CDK14: variants seen among roughly 807,000 people sequenced by gnomAD.
The protein encoded by CDK14 is cyclin-dependent kinase 14.
CDK14 carries 34 observed loss-of-function variants against 60.7 expected under a neutral mutation model. That is an observed-to-expected ratio of 0.56 (90% confidence interval 0.43 to 0.75). The LOEUF is 0.75. Ranked by LOEUF, CDK14 falls within the 30% of genes least tolerant of loss-of-function variation. The probability of loss-of-function intolerance (pLI) is 0.00; values close to 1 mark genes in which losing one functional copy is unlikely to be tolerated. For missense variants in CDK14, 482 were observed against 564.1 expected (o/e 0.85, Z 1.47); for synonymous variants, 197 against 203.7 (o/e 0.97, Z 0.28).
chr7:90,836,952 A>G (rs1790122157), intron 5 of CDK14, among the ~76,000 whole-genome samples: 1 of 152,258 alleles, frequency 6.6e-6, no homozygotes, highest in Non-Finnish European at 1.5e-5. Flanking sequence ...CTGAGCAGCA[A>G]GTAGAATGTT....
At chr7:90,906,063 A>G (rs1792687352) in intron 7 of CDK14, among the ~76,000 whole-genome samples, 2 of 152,160 alleles carry the variant, frequency 1.3e-5, no homozygotes, top group Admixed American at 6.6e-5. Context: ...AATTCGGACT[A>G]TGACATAGTG....
chr7:90,640,120 C>T (rs1321532893), intron 2 of CDK14, among the ~76,000 whole-genome samples: 3 of 152,104 alleles, frequency 2.0e-5, no homozygotes, highest in Admixed American at 1.3e-4. Flanking sequence ...CGGTGCGCTG[C>T]ACCCACTGTC....
At chr7:90,895,434 T>C (rs537176202) in intron 6 of CDK14, among the ~76,000 whole-genome samples, 4 of 16,940 alleles carry the variant, frequency 2.4e-4, no homozygotes, top group Non-Finnish European at 4.0e-4. Context: ...TCCTCTCCTC[T>C]CCTCTCCTCC....
intron 4 of CDK14, among the ~76,000 whole-genome samples, chr7:90,749,892 G>A (rs1350312040): frequency 6.6e-6 from 1 of 152,020 alleles, no homozygotes; most frequent in Non-Finnish European, 1.5e-5. Context: ...GAACACTATG[G>A]GCTCCACAGA....
At chr7:91,005,270 G>A (rs1795948355) in intron 10 of CDK14, among the ~76,000 whole-genome samples, 1 of 152,254 alleles carries the variant, frequency 6.6e-6, no homozygotes, top group Non-Finnish European at 1.5e-5. Flanking sequence ...GCTGGAAGGT[G>A]AACACCACTT....
intron 14 of CDK14, among the ~76,000 whole-genome samples, chr7:91,121,293 T>C (rs149978934): frequency 1.3e-5 from 2 of 152,212 alleles, no homozygotes; most frequent in East Asian, 1.9e-4. Context: ...CCTAGAGAGA[T>C]TGGGAAGGAG....
intron 11 of CDK14, among the ~76,000 whole-genome samples, chr7:91,073,995 T>G (rs1798227373): frequency 6.6e-6 from 1 of 152,174 alleles, no homozygotes; most frequent in Admixed American, 6.5e-5. Flanking sequence ...GCACCTAGAT[T>G]CATAAAACAA....
chr7:90,725,986 A>C (rs1202568236), intron 2 of CDK14, among the ~76,000 whole-genome samples: 2 of 151,928 alleles, frequency 1.3e-5, no homozygotes, highest in African/African-American at 4.8e-5. Flanking sequence ...AATAAAGGAA[A>C]CCCCCACCAT....
At chr7:91,170,769 C>CTTTT (rs1327491575) in intron 14 of CDK14, among the ~76,000 whole-genome samples, 4 of 123,982 alleles carry the variant, frequency 3.2e-5, no homozygotes, top group South Asian at 2.7e-4. Context: ...TTTTTTTTTT[C>CTTTT]TTTTTTTTTT....
intron 14 of CDK14, among the ~76,000 whole-genome samples, chr7:91,170,353 T>C (rs781051958): frequency 7.2e-5 from 11 of 152,246 alleles, no homozygotes; most frequent in Non-Finnish European, 1.3e-4. Context: ...GCCTTTTAAC[T>C]ATTTTATTGT....
chr7:90,806,702 G>T (rs1327453026), intron 5 of CDK14, among the ~76,000 whole-genome samples: 2 of 152,226 alleles, frequency 1.3e-5, no homozygotes, highest in East Asian at 3.9e-4. Flanking sequence ...AGAGGTCAGG[G>T]AATTCCCTTT....
intron 2 of CDK14, among the ~76,000 whole-genome samples, chr7:90,616,174 A>G (rs776571913): frequency 3.9e-5 from 6 of 152,212 alleles, no homozygotes; most frequent in African/African-American, 7.2e-5. Flanking sequence ...AGCCAAAAGA[A>G]AAACTAAAAC....
chr7:91,031,403 T>C (rs1042629187), intron 10 of CDK14, among the ~76,000 whole-genome samples: 3 of 152,042 alleles, frequency 2.0e-5, no homozygotes, highest in Non-Finnish European at 2.9e-5. Context: ...CTTAGCAATG[T>C]AATGTTAAGT....
At chr7:90,731,057 G>A (rs912967547) in intron 3 of CDK14, among the ~76,000 whole-genome samples, 6 of 151,954 alleles carry the variant, frequency 3.9e-5, no homozygotes, top group African/African-American at 1.5e-4. Context: ...ATCCAGTTTT[G>A]GCTTTTTACA....
chr7:90,649,503 C>T (rs900767049), intron 2 of CDK14, among the ~76,000 whole-genome samples: 4 of 147,890 alleles, frequency 2.7e-5, no homozygotes, highest in Non-Finnish European at 4.4e-5. Flanking sequence ...GGTACGTGTG[C>T]ACAACATGCA....
chr7:90,792,430 A>G (rs1191013083), intron 5 of CDK14, among the ~76,000 whole-genome samples: 2 of 152,194 alleles, frequency 1.3e-5, no homozygotes, highest in Non-Finnish European at 2.9e-5. Context: ...CAGGAATACA[A>G]GGCTAGTTTA....
intron 10 of CDK14, among the ~76,000 whole-genome samples, chr7:91,039,124 C>T (rs1470896522): frequency 6.6e-6 from 1 of 152,112 alleles, no homozygotes; most frequent in Non-Finnish European, 1.5e-5. Context: ...GACAAGCGCC[C>T]AGTCACTTTT....
intron 9 of CDK14, among the ~76,000 whole-genome samples, chr7:90,967,150 A>G (rs1584179085): frequency 1.5e-5 from 1 of 64,594 alleles, no homozygotes; most frequent in Non-Finnish European, 2.9e-5. Context: ...AGGTAGGGGG[A>G]GAGGGAGGGA....
At chr7:90,602,237 C>T (rs1332594070) in intron 1 of CDK14, among the ~76,000 whole-genome samples, 1 of 152,168 alleles carries the variant, frequency 6.6e-6, no homozygotes, top group African/African-American at 2.4e-5. Flanking sequence ...TGTAAGTTTG[C>T]TGCTGTAGCT....
Sources: gnomAD v4.1 joint callset for allele counts (sites outside exome capture counted in the v4.1 genomes callset) on GRCh38, gnomAD v4.1.1 for gene constraint, MANE v1.5 for transcripts, NCBI Gene and HGNC (gene_info 2026-07-23, HGNC 2026-07-21) for gene names.